SPRR2B: variants seen among roughly 807,000 people sequenced by gnomAD.
SPRR2B encodes small proline rich protein 2B, also known as small proline-rich protein 2B.
SPRR2B carries 1 observed loss-of-function variant against 1.0 expected under a neutral mutation model. The ratio of observed to expected loss-of-function variants is 1.01; its 90% CI spans 0.36 to 4.77. The LOEUF (loss-of-function observed/expected upper bound fraction) is 4.77, where lower values mean the gene tolerates loss of function less well. Ranked by LOEUF, SPRR2B falls within the 30% of genes most tolerant of loss-of-function variation. The probability of loss-of-function intolerance (pLI) is 0.16; values close to 1 mark genes in which losing one functional copy is unlikely to be tolerated. For synonymous variants in SPRR2B, 27 were observed against 33.4 expected (o/e 0.81, Z 0.66); for missense variants, 53 against 88.7 (o/e 0.60, Z 1.62).
At chr1:153,073,325 C>A (rs1483587625), upstream of SPRR2B, among the ~76,000 whole-genome samples, 1 of 152,216 alleles carries the variant, frequency 6.6e-6, no homozygotes, top group Admixed American at 6.5e-5. Context: ...AGCCTCACAT[C>A]ACATCTACAA....
At chr1:153,083,338 A>C in the SPRR2B span, among the ~76,000 whole-genome samples, 3 of 152,352 alleles carry the variant, frequency 2.0e-5, no homozygotes, top group African/African-American at 7.2e-5. Flanking sequence ...AGGCCCGCCA[A>C]TACCCTGATA....
upstream of SPRR2B, among the ~76,000 whole-genome samples, chr1:153,076,100 T>A (rs1481680354): frequency 6.6e-6 from 1 of 152,196 alleles, no homozygotes. Context: ...TAATGTTACC[T>A]CTAATTTAGT....
upstream of SPRR2B, among the ~76,000 whole-genome samples, chr1:153,073,230 G>C (rs1343254971): frequency 6.6e-6 from 1 of 152,182 alleles, no homozygotes; most frequent in Non-Finnish European, 1.5e-5. Context: ...TTTACAAACA[G>C]TGTTCTCACC....
At chr1:153,079,618 A>G in the SPRR2B span, among the ~76,000 whole-genome samples, 52,901 of 151,020 alleles carry the variant, frequency 0.35, 10,202 homozygotes, top group Non-Finnish European at 0.45. Context: ...TTATTAAATA[A>G]GGAATCCTTT....
At chr1:153,075,979 T>C (rs1654760714), upstream of SPRR2B, among the ~76,000 whole-genome samples, 1 of 152,172 alleles carries the variant, frequency 6.6e-6, no homozygotes, top group South Asian at 2.1e-4. Context: ...AAAAAAAGTC[T>C]GAAAACAATA....
the SPRR2B span, among the ~76,000 whole-genome samples, chr1:153,077,597 G>C: frequency 2.0e-5 from 3 of 151,614 alleles, no homozygotes; most frequent in East Asian, 5.8e-4. Flanking sequence ...AGAGTTGTAT[G>C]AGTCAAATTT....
the SPRR2B span, among the ~76,000 whole-genome samples, chr1:153,078,632 C>A: frequency 2.6e-5 from 4 of 151,758 alleles, no homozygotes; most frequent in South Asian, 6.2e-4. Flanking sequence ...TTTGTTCTTG[C>A]GATAGTTTGC....
the SPRR2B span, among the ~76,000 whole-genome samples, chr1:153,080,848 G>A: frequency 2.0e-5 from 3 of 152,082 alleles, no homozygotes; most frequent in Admixed American, 6.5e-5. Context: ...AAATAATTAT[G>A]GCAGCTTTAG....
At chr1:153,073,198 G>T (rs1654707427), upstream of SPRR2B, among the ~76,000 whole-genome samples, 1 of 152,190 alleles carries the variant, frequency 6.6e-6, no homozygotes, top group South Asian at 2.1e-4. Context: ...GAACTATCAT[G>T]TCAACACCTT....
chr1:153,079,269 T>G, the SPRR2B span, among the ~76,000 whole-genome samples: 1 of 152,204 alleles, frequency 6.6e-6, no homozygotes. Flanking sequence ...ATATTAGCCC[T>G]TTGTCAGATG....
the SPRR2B span, among the ~76,000 whole-genome samples, chr1:153,081,941 T>C: frequency 6.6e-6 from 1 of 152,074 alleles, no homozygotes; most frequent in Non-Finnish European, 1.5e-5. Context: ...CTTGCCTTTT[T>C]AGTAGTGGAA....
At chr1:153,072,438 A>G (rs751818972), upstream of SPRR2B, among the ~76,000 whole-genome samples, 19 of 152,206 alleles carry the variant, frequency 1.2e-4, no homozygotes, top group Non-Finnish European at 1.9e-4. Context: ...TTTTAAATCT[A>G]TGTATTGAAC....
At chr1:153,082,289 C>G in the SPRR2B span, among the ~76,000 whole-genome samples, 1 of 152,118 alleles carries the variant, frequency 6.6e-6, no homozygotes, top group African/African-American at 2.4e-5. Context: ...CCTTCCTTAT[C>G]AGTAATTACT....
chr1:153,079,046 A>T, the SPRR2B span, among the ~76,000 whole-genome samples: 7 of 152,140 alleles, frequency 4.6e-5, no homozygotes. Flanking sequence ...CTTTTCAATG[A>T]TCACCATTCT....
upstream of SPRR2B, among the ~76,000 whole-genome samples, chr1:153,074,971 C>T (rs1298615273): frequency 6.6e-6 from 1 of 152,094 alleles, no homozygotes; most frequent in Non-Finnish European, 1.5e-5. Context: ...TGAAGAAAAC[C>T]CTGATAATAT....
At chr1:153,076,687 A>G in the SPRR2B span, among the ~76,000 whole-genome samples, 3 of 152,240 alleles carry the variant, frequency 2.0e-5, no homozygotes, top group African/African-American at 4.8e-5. Context: ...ATCCAGCTAC[A>G]GCACATTCAA....
At chr1:153,078,156 C>G in the SPRR2B span, among the ~76,000 whole-genome samples, 1 of 152,114 alleles carries the variant, frequency 6.6e-6, no homozygotes, top group Non-Finnish European at 1.5e-5. Flanking sequence ...AATAGTTCAA[C>G]TATTTGTTGT....
chr1:153,076,965 C>T, the SPRR2B span, among the ~76,000 whole-genome samples: 3 of 152,258 alleles, frequency 2.0e-5, no homozygotes, highest in Middle Eastern at 6.8e-3. Context: ...GCTGTAGGCC[C>T]ATTTATATGA....
chr1:153,077,995 C>T, the SPRR2B span, among the ~76,000 whole-genome samples: 2 of 151,924 alleles, frequency 1.3e-5, no homozygotes, highest in Admixed American at 6.6e-5. Context: ...CAAAAAAAAT[C>T]TAATAAACAT....
Sources: gnomAD v4.1 joint callset for allele counts (sites outside exome capture counted in the v4.1 genomes callset) on GRCh38, gnomAD v4.1.1 for gene constraint, MANE v1.5 for transcripts, NCBI Gene and HGNC (gene_info 2026-07-23, HGNC 2026-07-21) for gene names.